The following GUCY1A2 variants were observed in gnomAD, a reference collection of about 807,000 sequenced individuals.
The protein encoded by GUCY1A2 is guanylate cyclase soluble subunit alpha-2.
Under a neutral mutation model 63.5 loss-of-function variants are expected in GUCY1A2, and 27 were observed. That is an observed-to-expected ratio of 0.43 (90% confidence interval 0.31 to 0.59). GUCY1A2 has a LOEUF of 0.59. Among genes scored for constraint, GUCY1A2 ranks in the 20% least tolerant of loss-of-function variants. The pLI is 0.11. For missense variants in GUCY1A2, 768 were observed against 913.3 expected (o/e 0.84, Z 2.05); for synonymous variants, 364 against 343.5 (o/e 1.06, Z -0.66).
intron 3 of GUCY1A2, among the ~76,000 whole-genome samples, chr11:106,977,324 T>C (rs2120114635): frequency 6.6e-6 from 1 of 152,234 alleles, no homozygotes. Context: ...TTTAATCCCA[T>C]CCCTTATTTT....
rs1860821620 is a variant in GUCY1A2, at chr11:106,945,893, A to G, written c.488-5715T>C. ...GGCAGGAGAATCGCTTGAACCTGGG[A>G]GGCGGAGGTTGCAGTGAGCTGAGAT... On this transcript the variant is annotated intron_variant, in intron 3 of 7. Coordinates refer to ENST00000526355, the MANE Select transcript of GUCY1A2 (RefSeq NM_000855.3). 4.6e-5 allele frequency among the ~76,000 whole-genome samples: 7 copies of G among 152,194 alleles called. No homozygotes were observed. In the South Asian group the frequency reaches 1.4e-3, roughly 31 times the overall value.
intron 4 of GUCY1A2, among the ~76,000 whole-genome samples, chr11:106,859,381 T>TATTTATTTATTA (rs1859478227): frequency 6.6e-6 from 1 of 152,016 alleles, no homozygotes; most frequent in South Asian, 2.1e-4. Flanking sequence ...ATGCTTAATT[T>TATTTATTTATTA]ATGTATTTAT....
chr11:106,808,712 G>C (rs1858725427), intron 5 of GUCY1A2, among the ~76,000 whole-genome samples: 1 of 152,126 alleles, frequency 6.6e-6, no homozygotes, highest in Non-Finnish European at 1.5e-5. Context: ...AGAGGGAAAA[G>C]ATTGGTTGTG....
chr11:106,722,733 G>C (rs141222830), intron 6 of GUCY1A2, among the ~76,000 whole-genome samples: 3 of 152,070 alleles, frequency 2.0e-5, no homozygotes, highest in African/African-American at 7.2e-5. Flanking sequence ...TTTTCAGAAA[G>C]AGCACCTGCT....
intron 5 of GUCY1A2, among the ~76,000 whole-genome samples, chr11:106,809,226 A>G (rs1429359766): frequency 1.3e-5 from 2 of 152,158 alleles, no homozygotes; most frequent in Non-Finnish European, 2.9e-5. Flanking sequence ...TATTTATACT[A>G]AAAGTACTTG....
intron 6 of GUCY1A2, among the ~76,000 whole-genome samples, chr11:106,737,846 C>A (rs7482785): frequency 0.62 from 94,532 of 151,918 alleles, 29,763 homozygotes; most frequent in East Asian, 0.86. Context: ...GTGAACAGTG[C>A]CACAATAAAC....
chr11:106,989,369 T>C (rs900346660), intron 1 of GUCY1A2, among the ~76,000 whole-genome samples: 3 of 152,154 alleles, frequency 2.0e-5, no homozygotes, highest in Non-Finnish European at 4.4e-5. Flanking sequence ...TTTAGTTAAA[T>C]GATCTTTTTA....
rs552891352 is a variant in GUCY1A2 at position 106,873,777 on chromosome 11, A to C, written c.1207-63299T>G. Reference sequence around the variant, plus strand: ...TGCAGAAGCTCTTTAGTTTAATTAGATCCCATTTGTCAATTTTGGCTTTTG... The same window carrying C: ...TGCAGAAGCTCTTTAGTTTAATTAGCTCCCATTTGTCAATTTTGGCTTTTG... On this transcript the variant is annotated intron_variant, in intron 4 of 7. Transcript: ENST00000526355. 2.6e-5 allele frequency among the ~76,000 whole-genome samples: 4 copies of C among 152,178 alleles called. No homozygotes were observed. In the South Asian group the frequency reaches 8.3e-4, roughly 32 times the overall value.
chr11:106,844,003 G>T (rs1183530600), intron 4 of GUCY1A2, among the ~76,000 whole-genome samples: 1 of 151,814 alleles, frequency 6.6e-6, no homozygotes, highest in Non-Finnish European at 1.5e-5. Context: ...CACTCTTAAA[G>T]AAGTCATTAT....
intron 4 of GUCY1A2, among the ~76,000 whole-genome samples, chr11:106,877,612 T>C (rs188568975): frequency 2.0e-5 from 3 of 152,062 alleles, no homozygotes; most frequent in Admixed American, 6.6e-5. Context: ...TTACACCACA[T>C]ACAAAAATTA....
chr11:107,003,785 G>A (rs967441429), intron 1 of GUCY1A2, among the ~76,000 whole-genome samples: 50 of 152,188 alleles, frequency 3.3e-4, no homozygotes, highest in African/African-American at 8.7e-4. Context: ...TCACCATCAC[G>A]AGTTGGGTTC....
At chr11:106,901,883 T>C (rs563466793) in intron 4 of GUCY1A2, among the ~76,000 whole-genome samples, 13 of 152,258 alleles carry the variant, frequency 8.5e-5, no homozygotes, top group African/African-American at 3.1e-4. Context: ...ATCCAGTCTA[T>C]CACTGACGGA....
rs1862362994 is a variant in GUCY1A2 at position 106,677,280 on chromosome 11, T to C, written c.*10269A>G. The stretch of plus-strand genomic sequence containing the variant: ...AACAAGTTTTAAAGCCTAATTAATT[T>C]ACTGCACATAAAACTTATGTATATA... On this transcript the variant is annotated 3_prime_UTR_variant, in exon 8 of 8. Coordinates refer to ENST00000526355, the MANE Select transcript of GUCY1A2 (RefSeq NM_000855.3). 1 of 217,560 alleles carries C rather than the reference T, an allele frequency of 4.6e-6. No homozygotes were observed. Among genetic ancestry groups the C allele is most frequent in the South Asian group, 1.8e-4 (1 of 5,408 alleles). 13.5% of individuals were successfully genotyped at this position (217,560 alleles called of 1,614,324 possible). A position where few individuals can be genotyped will look rare whatever the true frequency, so the allele number is the denominator to read the frequency against.
At chr11:106,849,868 T>G (rs1257211579) in intron 4 of GUCY1A2, among the ~76,000 whole-genome samples, 1 of 151,730 alleles carries the variant, frequency 6.6e-6, no homozygotes, top group Admixed American at 6.6e-5. Context: ...GTCTTTATTT[T>G]TAATGGTTTT....
chr11:106,850,952 C>T (rs1859345390), intron 4 of GUCY1A2, among the ~76,000 whole-genome samples: 1 of 151,900 alleles, frequency 6.6e-6, no homozygotes, highest in African/African-American at 2.4e-5. Context: ...AATTTACATC[C>T]TACCAACAGT....
intron 3 of GUCY1A2, among the ~76,000 whole-genome samples, chr11:106,962,050 A>G (rs756203277): frequency 5.9e-5 from 9 of 152,214 alleles, no homozygotes; most frequent in Non-Finnish European, 1.0e-4. Context: ...TAAAGTTCCT[A>G]TGTGGAGATA....
chr11:106,862,102 C>G (rs947263998), intron 4 of GUCY1A2, among the ~76,000 whole-genome samples: 2 of 152,042 alleles, frequency 1.3e-5, no homozygotes, highest in African/African-American at 4.8e-5. Flanking sequence ...CAACACATAG[C>G]ATCTATTGTT....
At chr11:106,698,188 C>T (rs988731147) in intron 7 of GUCY1A2, among the ~76,000 whole-genome samples, 2 of 136,918 alleles carry the variant, frequency 1.5e-5, no homozygotes, top group Admixed American at 7.8e-5. Context: ...GGTGTGATCA[C>T]GGCTTATAGC....
chr11:106,808,732 G>A (rs1296034742), intron 5 of GUCY1A2, among the ~76,000 whole-genome samples: 1 of 152,040 alleles, frequency 6.6e-6, no homozygotes, highest in South Asian at 2.1e-4. Flanking sequence ...GGCAGAGATT[G>A]GTGTAATAGT....
Sources: allele counts gnomAD v4.1 joint callset (sites outside exome capture counted in the v4.1 genomes callset), GRCh38; gene constraint gnomAD v4.1.1; transcripts MANE v1.5; gene names NCBI Gene and HGNC (gene_info 2026-07-23, HGNC 2026-07-21).